Variants in RBFOX1 observed in about 807,000 individuals in gnomAD.
RBFOX1 encodes RNA binding protein fox-1 homolog 1.
RBFOX1 carries 8 observed loss-of-function variants against 57.7 expected under a neutral mutation model. That is an observed-to-expected ratio of 0.14 (90% confidence interval 0.08 to 0.25). The LOEUF (loss-of-function observed/expected upper bound fraction) is 0.25. RBFOX1 is among the 10% of genes least tolerant of loss of function. The pLI is 1.00. For synonymous variants in RBFOX1, 326 were observed against 222.4 expected, an observed-to-expected ratio of 1.47 and a Z score of -4.15; for missense variants, 611 against 548.5, an observed-to-expected ratio of 1.11 and a Z score of -1.14.
intron 4 of RBFOX1, among the ~76,000 whole-genome samples, chr16:7,507,191 A>G (rs1177029743): frequency 2.0e-5 from 3 of 152,200 alleles, no homozygotes; most frequent in East Asian, 3.8e-4. Flanking sequence ...ACTAGAAATT[A>G]CCTGGCCTAT....
intron 1 of RBFOX1, among the ~76,000 whole-genome samples, chr16:5,336,868 C>T (rs924379051): frequency 1.3e-5 from 2 of 152,256 alleles, no homozygotes; most frequent in South Asian, 4.1e-4. Context: ...CTTTCAGATG[C>T]CAGAGCTGAT....
At chr16:6,980,259 T>A (rs186624812) in intron 3 of RBFOX1, among the ~76,000 whole-genome samples, 1 of 152,338 alleles carries the variant, frequency 6.6e-6, no homozygotes, top group African/African-American at 2.4e-5. Context: ...ACAAATGTGC[T>A]GTGTCAGGTG....
intron 5 of RBFOX1, among the ~76,000 whole-genome samples, chr16:7,566,496 C>T (rs1037843761): frequency 1.3e-5 from 2 of 152,124 alleles, no homozygotes; most frequent in Non-Finnish European, 2.9e-5. Context: ...AATTAGATAT[C>T]CTAAGTTCAA....
At chr16:7,517,551 GACAC>G (rs35971142) in intron 4 of RBFOX1, among the ~76,000 whole-genome samples, 139,171 of 150,272 alleles carry the variant, frequency 0.93, 64,814 homozygotes, top group Non-Finnish European at 0.98. Context: ...CACACACACA[GACAC>G]ACACACACAC....
chr16:6,585,286 G>A (rs17140639), intron 2 of RBFOX1, among the ~76,000 whole-genome samples: 6,786 of 152,220 alleles, frequency 0.045, 513 homozygotes, highest in African/African-American at 0.15. Context: ...TGAAACAAGA[G>A]GTACATTTGC....
chr16:6,370,034 G>T (rs941762616), intron 2 of RBFOX1, among the ~76,000 whole-genome samples: 1 of 152,024 alleles, frequency 6.6e-6, no homozygotes, highest in African/African-American at 2.4e-5. Flanking sequence ...AGTCTTGCTT[G>T]GTCTTTTATG....
chr16:7,661,704 C>G (rs1421762953), intron 12 of RBFOX1, among the ~76,000 whole-genome samples: 1 of 152,170 alleles, frequency 6.6e-6, no homozygotes, highest in African/African-American at 2.4e-5. Context: ...TTCATGCCTT[C>G]GCATAGTAGT....
intron 4 of RBFOX1, among the ~76,000 whole-genome samples, chr16:5,989,370 C>T (rs926583584): frequency 6.6e-6 from 1 of 151,922 alleles, no homozygotes; most frequent in Non-Finnish European, 1.5e-5. Flanking sequence ...CCCCAAAAAA[C>T]TTAATTACAG....
intron 3 of RBFOX1, among the ~76,000 whole-genome samples, chr16:6,758,378 A>C (rs993680237): frequency 6.6e-6 from 1 of 152,160 alleles, no homozygotes; most frequent in Non-Finnish European, 1.5e-5. Flanking sequence ...TATTATGTTC[A>C]AGAGATTAAC....
intron 4 of RBFOX1, among the ~76,000 whole-genome samples, chr16:7,069,335 C>A (rs2056837443): frequency 6.6e-6 from 1 of 152,146 alleles, no homozygotes; most frequent in African/African-American, 2.4e-5. Context: ...GCTGTTTTCC[C>A]TAATGCTCTC....
chr16:6,663,210 C>G (rs1260063159), intron 3 of RBFOX1, among the ~76,000 whole-genome samples: 1 of 152,158 alleles, frequency 6.6e-6, no homozygotes, highest in African/African-American at 2.4e-5. Context: ...GTCCTATCCA[C>G]ATGACTTACT....
intron 3 of RBFOX1, among the ~76,000 whole-genome samples, chr16:5,736,701 T>C (rs2151578304): frequency 6.6e-6 from 1 of 152,316 alleles, no homozygotes; most frequent in African/African-American, 2.4e-5. Flanking sequence ...TCTCTGTCTC[T>C]ATCTGTGCCT....
chr16:7,132,019 T>C (rs2070584370), intron 4 of RBFOX1, among the ~76,000 whole-genome samples: 1 of 139,466 alleles, frequency 7.2e-6, no homozygotes, highest in Middle Eastern at 3.5e-3. Context: ...TTTTTTTGAG[T>C]GTCATTCTGT....
At chr16:7,011,925 A>C (rs2093672550) in intron 3 of RBFOX1, among the ~76,000 whole-genome samples, 1 of 152,220 alleles carries the variant, frequency 6.6e-6, no homozygotes, top group African/African-American at 2.4e-5. Context: ...CATCTTCTGC[A>C]CATTTCTCTC....
intron 3 of RBFOX1, among the ~76,000 whole-genome samples, chr16:6,927,373 G>GCTCCA (rs2075778426): frequency 8.5e-6 from 1 of 117,736 alleles, no homozygotes; most frequent in Admixed American, 1.2e-4. Flanking sequence ...AGATCGCACC[G>GCTCCA]CTCCACTCCA....
intron 3 of RBFOX1, among the ~76,000 whole-genome samples, chr16:7,011,648 G>A (rs1242238156): frequency 6.6e-6 from 1 of 152,074 alleles, no homozygotes; most frequent in Non-Finnish European, 1.5e-5. Flanking sequence ...AAAGTACCTG[G>A]GACTACAGGT....
intron 4 of RBFOX1, among the ~76,000 whole-genome samples, chr16:7,243,181 A>C (rs148832045): frequency 2.0e-4 from 30 of 152,316 alleles, no homozygotes; most frequent in African/African-American, 5.8e-4. Context: ...GTGAATGTTC[A>C]GCAAACACAT....
chr16:7,692,268 G>T (rs1266411840), intron 14 of RBFOX1, among the ~76,000 whole-genome samples: 1 of 152,116 alleles, frequency 6.6e-6, no homozygotes, highest in African/African-American at 2.4e-5. Flanking sequence ...TATTGGTGTA[G>T]AAATGACTAG....
intron 2 of RBFOX1, among the ~76,000 whole-genome samples, chr16:5,570,758 T>A (rs1464436770): frequency 1.3e-5 from 2 of 150,972 alleles, no homozygotes; most frequent in Non-Finnish European, 2.9e-5. Context: ...GAGAATTGCT[T>A]GAACCCGGGA....
Sources: gnomAD v4.1 joint callset for allele counts (sites outside exome capture counted in the v4.1 genomes callset) on GRCh38, gnomAD v4.1.1 for gene constraint, MANE v1.5 for transcripts, NCBI Gene and HGNC (gene_info 2026-07-23, HGNC 2026-07-21) for gene names.